Variants in PPP1R9A observed in about 807,000 individuals in gnomAD.
PPP1R9A encodes neurabin-1.
In PPP1R9A, 59 loss-of-function variants were observed where a neutral mutation model predicts 141.9. That is an observed-to-expected ratio of 0.42 (90% CI 0.34 to 0.52). The LOEUF (loss-of-function observed/expected upper bound fraction) is 0.52, where lower values mean the gene tolerates loss of function less well. PPP1R9A is among the 20% of genes least tolerant of loss of function. PPP1R9A has a pLI of 0.10. For missense variants in PPP1R9A, 1,444 were observed against 1,611.9 expected (o/e 0.90, Z 1.78); for synonymous variants, 500 against 569.7 (o/e 0.88, Z 1.74).
At chr7:94,979,750 T>C (rs1799865700) in intron 2 of PPP1R9A, among the ~76,000 whole-genome samples, 1 of 152,202 alleles carries the variant, frequency 6.6e-6, no homozygotes, top group South Asian at 2.1e-4. Context: ...TTGTTTTTAA[T>C]TGTAACTGTG....
rs562084725 is a variant in PPP1R9A at position 95,286,154 on chromosome 7, T to A, written c.3610-52T>A. 3 of 1,602,516 alleles carry A rather than the reference T, an allele frequency of 1.9e-6. No homozygotes were observed. The African/African-American group carries it at 4.0e-5, about 21-fold the overall frequency. On this transcript the variant is annotated intron_variant, in intron 17 of 19. Transcript: ENST00000433360. ...TTTAGAGCTTGTAGACACACCTACCTCTTGCTCACTCACTGCACTCATTTA... is the reference window on the plus strand; with the variant it reads ...TTTAGAGCTTGTAGACACACCTACCACTTGCTCACTCACTGCACTCATTTA...
At chr7:95,274,286 T>C (rs917329330) in intron 16 of PPP1R9A, 118 bp downstream of exon 16, 2 of 942,902 alleles carry the variant, frequency 2.1e-6, no homozygotes, top group Non-Finnish European at 1.6e-6. Flanking sequence ...ATGCCAAGAA[T>C]TGAGATGGAA....
At chr7:95,174,456 T>A (rs1325178941) in intron 5 of PPP1R9A, among the ~76,000 whole-genome samples, 2 of 152,162 alleles carry the variant, frequency 1.3e-5, no homozygotes, top group Non-Finnish European at 2.9e-5. Context: ...CAACTATGTA[T>A]ACATTTATCG....
intron 2 of PPP1R9A, among the ~76,000 whole-genome samples, chr7:94,941,038 T>C (rs1795284245): frequency 6.6e-6 from 1 of 152,112 alleles, no homozygotes; most frequent in Admixed American, 6.6e-5. Context: ...GTGTCTTCAT[T>C]TTGCAGAAAG....
chr7:95,111,787 C>T (rs573194930), intron 3 of PPP1R9A, among the ~76,000 whole-genome samples: 7 of 152,034 alleles, frequency 4.6e-5, no homozygotes, highest in Middle Eastern at 3.4e-3. Context: ...TTAATAAAGG[C>T]GGTAGAATCC....
chr7:95,139,756 C>T lies in PPP1R9A; in HGVS notation c.1649+18924C>T, dbSNP rs1308505023. 3.3e-5 allele frequency among the ~76,000 whole-genome samples: 5 copies of T among 150,384 alleles called. 1 individual carries two copies. The highest frequency in any genetic ancestry group is 1.2e-4 in the African/African-American group (5 of 40,908). ...TGAATTTCAGCTTTCTTTATATTCC[C>T]TCATGTGGGAGCTGTAGTTCATTGT... On this transcript the variant is annotated intron_variant, in intron 4 of 19. Transcript: ENST00000433360.
At chr7:95,078,574 T>G (rs1815243972) in intron 2 of PPP1R9A, among the ~76,000 whole-genome samples, 1 of 152,204 alleles carries the variant, frequency 6.6e-6, no homozygotes, top group African/African-American at 2.4e-5. Flanking sequence ...CCACAAGGGT[T>G]GAACTAGTTT....
At chr7:95,166,764 C>T (rs550305314) in intron 5 of PPP1R9A, among the ~76,000 whole-genome samples, 2 of 152,174 alleles carry the variant, frequency 1.3e-5, no homozygotes, top group South Asian at 2.1e-4. Flanking sequence ...AATTTCTCAG[C>T]GAAATACTAG....
chr7:95,099,596 T>C (rs542085398), intron 2 of PPP1R9A, among the ~76,000 whole-genome samples: 1 of 152,342 alleles, frequency 6.6e-6, no homozygotes, highest in Non-Finnish European at 1.5e-5. Flanking sequence ...AGTTTACATT[T>C]ATGAAGGATT....
Position 95,290,572 on chromosome 7 carries a change from C to A in PPP1R9A, c.*269C>A. On this transcript the variant is annotated 3_prime_UTR_variant, in exon 20 of 20. Coordinates refer to ENST00000433360, the MANE Select transcript of PPP1R9A (RefSeq NM_001166160.2). The stretch of plus-strand genomic sequence containing the variant: ...CTGTGTTTTGCTCTTCTCTAACTTA[C>A]CAACATCTTGTGTTGTGTTGGGTGT... 1 of 396,502 alleles carries A rather than the reference C, an allele frequency of 2.5e-6. No homozygotes were observed. The highest frequency in any genetic ancestry group is 4.6e-5 in the East Asian group (1 of 21,508). 24.6% of individuals were successfully genotyped at this position (396,502 alleles called of 1,614,324 possible).
intron 4 of PPP1R9A, chr7:95,156,410 TTC>T (rs1454130977): frequency 6.6e-6 from 1 of 152,326 alleles, no homozygotes; most frequent in Non-Finnish European, 1.5e-5. Context: ...TCTTATCTCC[TTC>T]TCTTTGCCCT....
rs189408528 is a variant in PPP1R9A, at chr7:95,041,837, A to T, written c.1396-69422A>T. Among the ~76,000 whole-genome samples, 596 of 151,960 alleles carry T rather than the reference A, an allele frequency of 3.9e-3. 6 individuals carry two copies. Among genetic ancestry groups the T allele is most frequent in the African/African-American group, 0.013 (554 of 41,446 alleles). ...TTTAAAATTTCATTATTTCCTGAAA[A>T]TTTTTTCAGTGAGACTTCCAGAACC... On this transcript the variant is annotated intron_variant, in intron 2 of 19. Coordinates refer to ENST00000433360, the MANE Select transcript of PPP1R9A (RefSeq NM_001166160.2).
At chr7:95,272,227 G>GCGA (rs2153052819) in intron 14 of PPP1R9A, among the ~76,000 whole-genome samples, 1 of 152,294 alleles carries the variant, frequency 6.6e-6, no homozygotes, top group Admixed American at 6.5e-5. Context: ...AAATAATTAG[G>GCGA]CAGTCTCCTT....
chr7:95,093,661 T>A (rs1435174854), intron 2 of PPP1R9A, among the ~76,000 whole-genome samples: 1 of 152,186 alleles, frequency 6.6e-6, no homozygotes, highest in Non-Finnish European at 1.5e-5. Flanking sequence ...TTTTTTTATA[T>A]TGTCTACCAT....
rs1041129568 is a variant in PPP1R9A, at chr7:95,077,594, GC to G, written c.1396-33658del. On this transcript the variant is annotated intron_variant, in intron 2 of 19. Coordinates refer to ENST00000433360, the MANE Select transcript of PPP1R9A (RefSeq NM_001166160.2). The stretch of plus-strand genomic sequence containing the variant: ...TCCTATATCCTCTGCATTGTTAGCT[GC>G]CCCCCCAATAACAAAGACAGATTAA... Among the ~76,000 whole-genome samples, 21 of 152,010 alleles carry G rather than the reference GC, an allele frequency of 1.4e-4. No individual in the cohort carries two copies. The East Asian group carries it at 3.7e-3, about 27-fold the overall frequency.
intron 4 of PPP1R9A, among the ~76,000 whole-genome samples, chr7:95,137,317 G>A (rs1360664023): frequency 1.5e-5 from 2 of 137,420 alleles, no homozygotes; most frequent in Admixed American, 8.1e-5. Flanking sequence ...TCCCACCTAT[G>A]AGTAAGAACA....
intron 8 of PPP1R9A, among the ~76,000 whole-genome samples, chr7:95,231,325 T>G (rs911238945): frequency 6.6e-6 from 1 of 152,150 alleles, no homozygotes; most frequent in African/African-American, 2.4e-5. Flanking sequence ...CTGTCAGCAC[T>G]AGACAGGTGG....
Position 95,290,489 on chromosome 7 carries a change from T to C in PPP1R9A, c.*186T>C. 1.1e-5 allele frequency: 7 copies of C among 645,824 alleles called. No individual in the cohort carries two copies. In the South Asian group the frequency reaches 1.6e-4, roughly 15 times the overall value. The allele number at this position is 645,824 out of a possible 1,614,324, so 40.0% of individuals were successfully genotyped here. A position where few individuals can be genotyped will look rare whatever the true frequency, so the allele number is the denominator to read the frequency against. ...AGAATGCACTCTTAATTTTAACTAC[T>C]AAAATAATCCCAAGCCACCTTTGGT... On this transcript the variant is annotated 3_prime_UTR_variant, in exon 20 of 20. Transcript: ENST00000433360.
At chr7:94,992,321 CTTG>C (rs1029774400) in intron 2 of PPP1R9A, among the ~76,000 whole-genome samples, 19 of 152,160 alleles carry the variant, frequency 1.2e-4, no homozygotes, top group African/African-American at 4.6e-4. Context: ...TTTCTAACTT[CTTG>C]TTGCTAGCTA....
Sources: allele counts gnomAD v4.1 joint callset (sites outside exome capture counted in the v4.1 genomes callset), GRCh38; gene constraint gnomAD v4.1.1; transcripts MANE v1.5; gene names NCBI Gene and HGNC (gene_info 2026-07-23, HGNC 2026-07-21).